Variants in LRRC37A2 observed in about 807,000 individuals in gnomAD.
LRRC37A2 encodes leucine-rich repeat-containing protein 37A2.
In LRRC37A2, 9 loss-of-function variants were observed where a neutral mutation model predicts 68.8. That is an observed-to-expected ratio of 0.13 (90% CI 0.08 to 0.23). LRRC37A2 has a LOEUF of 0.23. Ranked by LOEUF, LRRC37A2 falls within the 10% of genes least tolerant of loss-of-function variation. The pLI is 1.00. For synonymous variants in LRRC37A2, 63 were observed against 367.6 expected (o/e 0.17, Z 9.48); for missense variants, 168 against 950.4 (o/e 0.18, Z 10.82).
the LRRC37A2 span, among the ~76,000 whole-genome samples, chr17:46,844,165 G>A: frequency 6.6e-6 from 1 of 151,922 alleles, no homozygotes; most frequent in South Asian, 2.1e-4. Flanking sequence ...CTGTGTTGCT[G>A]AGGCTGGTCT....
chr17:46,914,284 G>A, the LRRC37A2 span, among the ~76,000 whole-genome samples: 15 of 152,070 alleles, frequency 9.9e-5, no homozygotes, highest in Admixed American at 8.5e-4. Context: ...CCGAAAGTGC[G>A]CTGGGAAGGG....
the LRRC37A2 span, among the ~76,000 whole-genome samples, chr17:46,978,003 C>T: frequency 2.0e-5 from 3 of 152,350 alleles, no homozygotes; most frequent in East Asian, 1.9e-4. Flanking sequence ...CTCTGGCCTC[C>T]GCGTGGAGCC....
chr17:46,882,717 C>G, the LRRC37A2 span, among the ~76,000 whole-genome samples: 3 of 152,130 alleles, frequency 2.0e-5, no homozygotes, highest in African/African-American at 7.2e-5. Context: ...TTCTTGCAAC[C>G]GATCATGCAG....
chr17:46,757,346 TTAACTTATGTCTCTTG>T, the LRRC37A2 span: 1 of 152,672 alleles, frequency 6.5e-6, no homozygotes. Flanking sequence ...ACACATTGTG[TTAACTTATGTCTCTTG>T]TTAAATGAGC....
At chr17:46,944,682 C>T in the LRRC37A2 span, among the ~76,000 whole-genome samples, 1 of 151,854 alleles carries the variant, frequency 6.6e-6, no homozygotes, top group African/African-American at 2.4e-5. Context: ...TCACTGCAGC[C>T]TCTGCCTCCT....
chr17:47,000,351 C>T, the LRRC37A2 span, among the ~76,000 whole-genome samples: 2 of 151,410 alleles, frequency 1.3e-5, no homozygotes, highest in Non-Finnish European at 2.9e-5. Context: ...TCTCCTGCCT[C>T]AGCCTCCCAA....
chr17:46,461,997 CAAAAA>C, the LRRC37A2 span, among the ~76,000 whole-genome samples: 10 of 57,388 alleles, frequency 1.7e-4, no homozygotes, highest in South Asian at 7.1e-3. Flanking sequence ...AACTCCATGT[CAAAAA>C]AAAAAAAAGA....
At chr17:46,803,165 G>A in the LRRC37A2 span, among the ~76,000 whole-genome samples, 1 of 152,236 alleles carries the variant, frequency 6.6e-6, no homozygotes, top group African/African-American at 2.4e-5. Flanking sequence ...GGTCGCAGAA[G>A]TCTTCTGTAC....
the LRRC37A2 span, among the ~76,000 whole-genome samples, chr17:46,947,453 C>T: frequency 2.6e-4 from 40 of 152,262 alleles, no homozygotes; most frequent in African/African-American, 9.1e-4. Context: ...CTACAACTTA[C>T]GTTCATGCTG....
At chr17:46,896,392 GAGAAAGAAAGAAAGAAAGAA>G in the LRRC37A2 span, among the ~76,000 whole-genome samples, 1 of 88,858 alleles carries the variant, frequency 1.1e-5, no homozygotes, top group African/African-American at 4.0e-5. Context: ...AAGAAAGAAA[GAGAAAGAAAGAAAGAAAGAA>G]AGAAAGAAAG....
the LRRC37A2 span, among the ~76,000 whole-genome samples, chr17:47,016,235 C>T: frequency 3.3e-5 from 5 of 152,074 alleles, no homozygotes; most frequent in African/African-American, 9.7e-5. Context: ...TGAGCCACCA[C>T]ACCCGGCCCC....
the LRRC37A2 span, among the ~76,000 whole-genome samples, chr17:46,499,032 A>C: frequency 6.7e-6 from 1 of 149,806 alleles, no homozygotes; most frequent in Non-Finnish European, 1.5e-5. Context: ...AGCACTCTAT[A>C]GGCCAGGCAT....
At chr17:46,737,444 C>T in the LRRC37A2 span, among the ~76,000 whole-genome samples, 2 of 152,164 alleles carry the variant, frequency 1.3e-5, no homozygotes, top group African/African-American at 4.8e-5. Context: ...GCAACCCTAA[C>T]GCTGAACAAG....
chr17:46,488,704 C>CAA, the LRRC37A2 span, among the ~76,000 whole-genome samples: 20 of 132,056 alleles, frequency 1.5e-4, no homozygotes, highest in African/African-American at 5.6e-4. Flanking sequence ...GACTCTGTCT[C>CAA]AAAAAAAAAA....
the LRRC37A2 span, among the ~76,000 whole-genome samples, chr17:46,761,363 G>A: frequency 4.9e-5 from 7 of 144,150 alleles, no homozygotes; most frequent in South Asian, 2.2e-4. Context: ...ATGGAGTCTC[G>A]CCTTGTCACC....
At chr17:46,807,605 T>G in the LRRC37A2 span, among the ~76,000 whole-genome samples, 1 of 152,254 alleles carries the variant, frequency 6.6e-6, no homozygotes, top group Non-Finnish European at 1.5e-5. Flanking sequence ...TTAATTCGCA[T>G]GTGCCTTGCT....
chr17:46,767,828 A>G, the LRRC37A2 span, among the ~76,000 whole-genome samples: 1 of 152,080 alleles, frequency 6.6e-6, no homozygotes, highest in Non-Finnish European at 1.5e-5. Context: ...TCTGTCGCCC[A>G]GGCTGGATGG....
At chr17:46,828,680 G>A in the LRRC37A2 span, among the ~76,000 whole-genome samples, 7 of 151,888 alleles carry the variant, frequency 4.6e-5, no homozygotes, top group South Asian at 2.1e-4. Flanking sequence ...TGCCCAGGTC[G>A]GGCACGGTGG....
the LRRC37A2 span, among the ~76,000 whole-genome samples, chr17:46,490,997 C>T: frequency 4.7e-5 from 7 of 150,482 alleles, 1 homozygote; most frequent in African/African-American, 1.3e-4. Flanking sequence ...CGGGTTCAAG[C>T]GATTCTCCTG....
Sources: allele counts gnomAD v4.1 joint callset (sites outside exome capture counted in the v4.1 genomes callset), GRCh38; gene constraint gnomAD v4.1.1; transcripts MANE v1.5; gene names NCBI Gene and HGNC (gene_info 2026-07-23, HGNC 2026-07-21).